The following KIAA1958 variants were observed in gnomAD, a reference collection of about 807,000 sequenced individuals.
KIAA1958 encodes uncharacterized protein KIAA1958.
A neutral mutation model predicts 47.2 loss-of-function variants in KIAA1958; 14 were observed. The ratio of observed to expected loss-of-function variants is 0.30; its 90% CI spans 0.20 to 0.46. The LOEUF is 0.46. Among genes scored for constraint, KIAA1958 ranks in the 20% least tolerant of loss-of-function variants. The pLI, the probability that KIAA1958 is intolerant of heterozygous loss-of-function variation, is 1.00. For missense variants in KIAA1958, 803 were observed against 909.2 expected (o/e 0.88, Z 1.50); for synonymous variants, 354 against 353.3 (o/e 1.00, Z -0.02).
At chr9:112,565,389 C>G (rs1056875230) in intron 1 of KIAA1958, among the ~76,000 whole-genome samples, 1 of 152,232 alleles carries the variant, frequency 6.6e-6, no homozygotes, top group Non-Finnish European at 1.5e-5. Flanking sequence ...CAGGCATGAG[C>G]CACTGCACCT....
intron 2 of KIAA1958, among the ~76,000 whole-genome samples, chr9:112,587,516 G>A (rs1213059154): frequency 6.6e-6 from 1 of 152,116 alleles, no homozygotes; most frequent in African/African-American, 2.4e-5. Context: ...GCTATTTTAT[G>A]CTTGCTTTAG....
At chr9:112,634,122 C>G (rs2131232483) in intron 2 of KIAA1958, among the ~76,000 whole-genome samples, 1 of 152,336 alleles carries the variant, frequency 6.6e-6, no homozygotes, top group South Asian at 2.1e-4. Flanking sequence ...TGCTCCATAT[C>G]TTCACTATCA....
chr9:112,646,553 G>A (rs760331220), intron 3 of KIAA1958, among the ~76,000 whole-genome samples: 24 of 152,328 alleles, frequency 1.6e-4, no homozygotes, highest in Middle Eastern at 3.4e-3. Flanking sequence ...TTCCCCATTT[G>A]TAAAATGAGC....
chr9:112,544,260 G>C (rs1437164835), intron 1 of KIAA1958, among the ~76,000 whole-genome samples: 1 of 152,208 alleles, frequency 6.6e-6, no homozygotes, highest in Non-Finnish European at 1.5e-5. Context: ...ATGAATGTCA[G>C]ATCTGAGAGG....
chr9:112,630,531 G>A (rs934649999), intron 2 of KIAA1958, among the ~76,000 whole-genome samples: 9 of 152,016 alleles, frequency 5.9e-5, no homozygotes, highest in East Asian at 1.9e-4. Flanking sequence ...AGGAGATACC[G>A]TGTTCTAAAA....
At chr9:112,506,536 T>C (rs1177090822) in intron 1 of KIAA1958, among the ~76,000 whole-genome samples, 2 of 152,226 alleles carry the variant, frequency 1.3e-5, no homozygotes, top group African/African-American at 4.8e-5. Context: ...GTGTAGTGTG[T>C]CCTGATGTGT....
intron 1 of KIAA1958, among the ~76,000 whole-genome samples, chr9:112,530,036 G>C (rs10981435): frequency 0.29 from 43,462 of 151,852 alleles, 6,386 homozygotes; most frequent in Middle Eastern, 0.4. Context: ...GTGGAGACAG[G>C]GTTTCACCGT....
chr9:112,512,060 A>G (rs1834333841), intron 1 of KIAA1958, among the ~76,000 whole-genome samples: 1 of 152,230 alleles, frequency 6.6e-6, no homozygotes, highest in Non-Finnish European at 1.5e-5. Context: ...AACTGCAGAC[A>G]CAGATGGCTT....
Position 112,663,748 on chromosome 9 carries a change from G to C in KIAA1958, c.*3679G>C, listed in dbSNP as rs1588059293. The C allele has an allele frequency of 6.6e-6, 1 of 152,222 alleles. No individual in the cohort carries two copies. The highest frequency in any genetic ancestry group is 2.4e-5 in the African/African-American group (1 of 41,456). The allele number at this position is 152,222 out of a possible 1,614,324, so 9.4% of individuals were successfully genotyped here. On this transcript the variant is annotated 3_prime_UTR_variant, in exon 4 of 4. Transcript: ENST00000337530. ...CTCCTTGGTCATGTGGCATTTTCCA[G>C]CTTTCCTTGGATTTTATGCTACATT... is the stretch of plus-strand genomic sequence containing the variant.
At chr9:112,617,973 A>G in intron 2 of KIAA1958, 1 of 1,550,588 alleles carries the variant, frequency 6.4e-7, no homozygotes, top group Non-Finnish European at 8.7e-7. Flanking sequence ...CTCATCTCCA[A>G]GTATCCTTCT....
At chr9:112,602,303 A>G (rs1836148353) in intron 2 of KIAA1958, among the ~76,000 whole-genome samples, 1 of 152,206 alleles carries the variant, frequency 6.6e-6, no homozygotes, top group Admixed American at 6.5e-5. Flanking sequence ...GTTGGCAAAT[A>G]TGATTTTTGT....
intron 3 of KIAA1958, among the ~76,000 whole-genome samples, chr9:112,656,372 CAAAAAAAAAA>C (rs35967386): frequency 1.7e-5 from 1 of 57,826 alleles, no homozygotes; most frequent in Non-Finnish European, 3.0e-5. Context: ...GACTCTGTCT[CAAAAAAAAAA>C]AAAAAAAAAA....
At chr9:112,501,140 C>CA (rs1170987209) in intron 1 of KIAA1958, among the ~76,000 whole-genome samples, 1 of 150,994 alleles carries the variant, frequency 6.6e-6, no homozygotes, top group Non-Finnish European at 1.5e-5. Context: ...CAAACAAACT[C>CA]AAAAAACTTT....
chr9:112,594,442 T>A (rs1835981332), intron 2 of KIAA1958, among the ~76,000 whole-genome samples: 1 of 152,212 alleles, frequency 6.6e-6, no homozygotes, highest in Non-Finnish European at 1.5e-5. Context: ...CCCCCTAGTC[T>A]ATGGATTTGC....
At position 112,508,667 on chromosome 9, in the gene KIAA1958, A is replaced by G. The variant is rs569532438; in HGVS notation, c.-25+21549A>G. 9.2e-5 allele frequency among the ~76,000 whole-genome samples: 14 copies of G among 152,342 alleles called. No homozygotes were observed. The South Asian group carries it at 2.1e-3, about 23-fold the overall frequency. ...CAATGCCAGAAGGATGGTTAAAATCAGATTCAGCCTAGCTAGGAGGTGAAA... is the reference window on the plus strand; with the variant it reads ...CAATGCCAGAAGGATGGTTAAAATCGGATTCAGCCTAGCTAGGAGGTGAAA... On this transcript the variant is annotated intron_variant, in intron 1 of 3. Transcript: ENST00000337530.
chr9:112,509,066 G>T lies in KIAA1958; in HGVS notation c.-25+21948G>T, dbSNP rs544413543. On this transcript the variant is annotated intron_variant, in intron 1 of 3. Transcript: ENST00000337530. ...CATATGGTAAAAAATTTTAAAAAGA[G>T]CAATGTAGATACATTTAATGTTTTT... Among the ~76,000 whole-genome samples the T allele has an allele frequency of 5.4e-5, 8 of 148,990 alleles. No homozygotes were observed. The East Asian group carries it at 1.6e-3, about 29-fold the overall frequency.
chr9:112,521,028 G>C (rs890071206), intron 1 of KIAA1958, among the ~76,000 whole-genome samples: 1 of 151,008 alleles, frequency 6.6e-6, no homozygotes, highest in African/African-American at 2.4e-5. Context: ...TTTTCTTCTT[G>C]TTTCTTTTGT....
chr9:112,493,530 T>C (rs762532999), intron 1 of KIAA1958, among the ~76,000 whole-genome samples: 1 of 152,250 alleles, frequency 6.6e-6, no homozygotes, highest in Non-Finnish European at 1.5e-5. Flanking sequence ...GGTCAGTCAG[T>C]TCTTGCTGCC....
At chr9:112,536,938 G>C (rs987424568) in intron 1 of KIAA1958, among the ~76,000 whole-genome samples, 5 of 151,838 alleles carry the variant, frequency 3.3e-5, no homozygotes, top group African/African-American at 7.2e-5. Flanking sequence ...TCTCAAATAA[G>C]AACAAGAAAT....
Sources: allele counts gnomAD v4.1 joint callset (sites outside exome capture counted in the v4.1 genomes callset), GRCh38; gene constraint gnomAD v4.1.1; transcripts MANE v1.5; gene names NCBI Gene and HGNC (gene_info 2026-07-23, HGNC 2026-07-21).